Variants in UNC80 observed in about 807,000 individuals in gnomAD.
The protein encoded by UNC80 is protein unc-80 homolog.
Under a neutral mutation model 384.6 loss-of-function variants are expected in UNC80, and 164 were observed. The observed-to-expected ratio is 0.43, with a 90% confidence interval of 0.38 to 0.49. The LOEUF (loss-of-function observed/expected upper bound fraction) is 0.49. UNC80 is among the 20% of genes least tolerant of loss of function. UNC80 has a pLI of 0.00. For missense variants in UNC80, 3,330 were observed against 4,143.0 expected, an observed-to-expected ratio of 0.80 and a Z score of 5.39; for synonymous variants, 1,486 against 1,527.8, an observed-to-expected ratio of 0.97 and a Z score of 0.64.
At chr2:209,791,638 G>A (rs769106232) in intron 6 of UNC80, among the ~76,000 whole-genome samples, 11 of 151,760 alleles carry the variant, frequency 7.2e-5, no homozygotes, top group Non-Finnish European at 1.5e-4. Flanking sequence ...GGCTAACACG[G>A]TGAAACCCTG....
chr2:209,893,086 T>C (rs2086499198), intron 26 of UNC80, among the ~76,000 whole-genome samples: 1 of 152,224 alleles, frequency 6.6e-6, no homozygotes, highest in Non-Finnish European at 1.5e-5. Context: ...ATGTTTTCGT[T>C]ATACAAGTTC....
intron 29 of UNC80, among the ~76,000 whole-genome samples, chr2:209,909,263 C>T (rs909474491): frequency 6.6e-6 from 1 of 152,114 alleles, no homozygotes; most frequent in Non-Finnish European, 1.5e-5. Context: ...TTATTCCTCT[C>T]TAGTCAATAA....
At chr2:209,812,303 G>A (rs1407236367) in intron 7 of UNC80, among the ~76,000 whole-genome samples, 2 of 150,600 alleles carry the variant, frequency 1.3e-5, no homozygotes, top group African/African-American at 2.4e-5. Context: ...CCCGTGATCC[G>A]TCCGCCTCGG....
chr2:209,951,273 T>G (rs2092167458), intron 47 of UNC80, among the ~76,000 whole-genome samples: 1 of 149,714 alleles, frequency 6.7e-6, no homozygotes. Context: ...TATTGCACAT[T>G]TGAATTTAAC....
At chr2:209,919,127 C>G (rs1300133598) in intron 33 of UNC80, among the ~76,000 whole-genome samples, 1 of 152,078 alleles carries the variant, frequency 6.6e-6, no homozygotes, top group African/African-American at 2.4e-5. Flanking sequence ...CTCTGACACC[C>G]CTGCTCTTAT....
chr2:209,818,460 T>C (rs997711450), intron 11 of UNC80, among the ~76,000 whole-genome samples: 1 of 152,196 alleles, frequency 6.6e-6, no homozygotes, highest in Non-Finnish European at 1.5e-5. Flanking sequence ...ACAGAATAAT[T>C]GATTTTTTTC....
At chr2:209,776,568 G>A (rs1263522745) in intron 3 of UNC80, among the ~76,000 whole-genome samples, 1 of 152,184 alleles carries the variant, frequency 6.6e-6, no homozygotes, top group Non-Finnish European at 1.5e-5. Flanking sequence ...GTGACAAAGT[G>A]AGACTCCGTC....
Position 209,862,649 on chromosome 2 carries a change from C to CTTTTTTTTTTTTTTTTTTTTTTTTTT in UNC80, c.3628-10090_3628-10089insTTTTTTTTTTTTTTTTTTTTTTTTTT, listed in dbSNP as rs71043955. Among the ~76,000 whole-genome samples the CTTTTTTTTTTTTTTTTTTTTTTTTTT allele has an allele frequency of 4.8e-4, 38 of 78,796 alleles. 3 individuals carry two copies. The highest frequency in any genetic ancestry group is 9.9e-4 in the South Asian group (2 of 2,020). 51.7% of individuals were successfully genotyped at this position (78,796 alleles called of 152,430 possible). A position where few individuals can be genotyped will look rare whatever the true frequency, so the allele number is the denominator to read the frequency against. On this transcript the variant is annotated intron_variant, in intron 22 of 64. Transcript: ENST00000673920. Reference sequence around the variant, plus strand: ...TCAGAGACTAGGATTGCAACCTCTGCTTTTTTTTTTTTTTTTTTTGCTTTC... The same window carrying CTTTTTTTTTTTTTTTTTTTTTTTTTT: ...TCAGAGACTAGGATTGCAACCTCTGCTTTTTTTTTTTTTTTTTTTTTTTTTTTTTTTTTTTTTTTTTTTTTGCTTTC...
Position 209,943,511 on chromosome 2 carries a change from T to G in UNC80, c.7047T>G (p.Phe2349Leu). The part of the protein sequence containing the change: ...LFASVAPLLE[F>L]PDAANNGPSK... ...CTAGTGTGGCCCCTCTCCTGGAATT[T>G]CCTGTAAGTAAGCTCTGTGGGAAAA... is the stretch of plus-strand genomic sequence containing the variant. The change falls in exon 45 of 65, where the codon TTT becomes TTG. Residue 2349 changes from phenylalanine to leucine, a missense_variant. Physicochemically the swap from Phe to Leu is conservative, Grantham distance 22 (BLOSUM62 0). Around this residue, in one of 8 missense-constraint regions of UNC80, gnomAD observed 1,049 missense variants for 1,488.6 expected, o/e 0.70. Coordinates refer to ENST00000673920, the MANE Select transcript of UNC80 (RefSeq NM_001371986.1). 5.8e-6 allele frequency: 9 copies of G among 1,551,528 alleles called. No individual in the cohort carries two copies. The highest frequency in any genetic ancestry group is 7.8e-6 in the Non-Finnish European group (9 of 1,146,906).
intron 42 of UNC80, among the ~76,000 whole-genome samples, chr2:209,939,244 A>G (rs1044977272): frequency 6.6e-6 from 1 of 152,218 alleles, no homozygotes; most frequent in Non-Finnish European, 1.5e-5. Flanking sequence ...TCCATAAGGA[A>G]CATTTCCTTC....
intron 4 of UNC80, among the ~76,000 whole-genome samples, chr2:209,778,555 C>T (rs1377542512): frequency 6.6e-6 from 1 of 152,128 alleles, no homozygotes; most frequent in Non-Finnish European, 1.5e-5. Flanking sequence ...ACAATCATAT[C>T]CACTTGGAGG....
At chr2:209,927,445 T>A (rs1184725653) in intron 36 of UNC80, among the ~76,000 whole-genome samples, 1 of 152,198 alleles carries the variant, frequency 6.6e-6, no homozygotes, top group Admixed American at 6.5e-5. Context: ...GTTAATTTCT[T>A]AACGTTACAT....
In UNC80 at chr2:209,820,388, G is replaced by T. The variant is rs1221246534; in HGVS notation, c.2040G>T (p.Val680=). 2 of 1,551,946 alleles carry T rather than the reference G, an allele frequency of 1.3e-6. No individual in the cohort carries two copies. Among genetic ancestry groups the T allele is most frequent in the East Asian group, 2.4e-5 (1 of 40,930 alleles). ...SRICDVALNI[V]ECLLQLGVVP... is the part of the protein sequence containing the mutation. The stretch of plus-strand genomic sequence containing the variant: ...TCTGTGACGTGGCGCTAAACATTGT[G>T]GAATGCTTGCTTCAACTTGGTGTGG... Residue 680 remains valine (V), a synonymous_variant, in exon 13 of 65, where the codon GTG becomes GTT. Coordinates refer to ENST00000673920, the MANE Select transcript of UNC80 (RefSeq NM_001371986.1).
At chr2:209,776,085 C>T (rs1436431946) in intron 3 of UNC80, 40 bp downstream of exon 3, 2 of 1,611,622 alleles carry the variant, frequency 1.2e-6, no homozygotes, top group South Asian at 2.2e-5. Flanking sequence ...ATGTGATTGC[C>T]CTTTGTGTTC....
chr2:209,959,847 C>A, intron 51 of UNC80, 140 bp downstream of exon 51: 1 of 754,386 alleles, frequency 1.3e-6, no homozygotes, highest in Non-Finnish European at 2.1e-6. Flanking sequence ...CTTAGGTACA[C>A]ATCATACAGA....
At chr2:209,943,619 G>A in intron 45 of UNC80, 105 bp downstream of exon 45, 3 of 1,371,650 alleles carry the variant, frequency 2.2e-6, no homozygotes, top group Non-Finnish European at 3.0e-6. Flanking sequence ...ACCATCACTT[G>A]TGTTTTGGCA....
Position 209,994,301 on chromosome 2 carries a change from T to C in UNC80, c.9708+37T>C, listed in dbSNP as rs759670424. On this transcript the variant is annotated intron_variant, in intron 64 of 64. Coordinates refer to ENST00000673920, the MANE Select transcript of UNC80 (RefSeq NM_001371986.1). ...AGAGAAACAGGCAAGGCTTGCTCCC[T>C]GTGTACTTACTTCTAGCAGCCACTT... is the stretch of plus-strand genomic sequence containing the variant. 3.3e-6 allele frequency: 5 copies of C among 1,506,360 alleles called. No individual in the cohort carries two copies. In the South Asian group the frequency reaches 6.5e-5, roughly 19 times the overall value. 93.3% of individuals were successfully genotyped at this position (1,506,360 alleles called of 1,614,324 possible).
At position 209,997,391 on chromosome 2, in the gene UNC80, C is replaced by CT. The variant is rs1201093394; in HGVS notation, c.*1797dup. On this transcript the variant is annotated 3_prime_UTR_variant, in exon 65 of 65. Transcript: ENST00000673920. The stretch of plus-strand genomic sequence containing the variant: ...ATTTCACCTGTTAAAAATTATGCTG[C>CT]TAAATTAGCATTAGAGGCCTTATGT... 6.6e-6 allele frequency: 1 copy of CT among 152,090 alleles called. No individual in the cohort carries two copies. The highest frequency in any genetic ancestry group is 1.5e-5 in the Non-Finnish European group (1 of 68,018). The allele number at this position is 152,090 out of a possible 1,614,324, so 9.4% of individuals were successfully genotyped here.
rs556950844 is a variant in UNC80, at chr2:209,833,896, A to G, written c.2776-106A>G. 2.9e-5 allele frequency: 32 copies of G among 1,089,362 alleles called. No individual in the cohort carries two copies. In the South Asian group the frequency reaches 4.0e-4, roughly 14 times the overall value. 67.5% of individuals were successfully genotyped at this position (1,089,362 alleles called of 1,614,324 possible). On this transcript the variant is annotated intron_variant, in intron 16 of 64. Coordinates refer to ENST00000673920, the MANE Select transcript of UNC80 (RefSeq NM_001371986.1). ...AAACTGTCCTGTCTTAATGATTCCA[A>G]TGCTCATCTAAGCCTAAGGAATTAC...
Sources: gnomAD v4.1 joint callset for allele counts (sites outside exome capture counted in the v4.1 genomes callset) on GRCh38, gnomAD v4.1.1 for gene constraint, gnomAD v4.1.1 regional missense constraint, MANE v1.5 for transcripts, NCBI Gene and HGNC (gene_info 2026-07-23, HGNC 2026-07-21) for gene names.